Variants in CYP19A1 observed in about 807,000 individuals in gnomAD.
CYP19A1 encodes the protein aromatase.
A neutral mutation model predicts 44.4 loss-of-function variants in CYP19A1; 32 were observed. That is an observed-to-expected ratio of 0.72 (90% CI 0.54 to 0.97). CYP19A1 has a LOEUF of 0.97. CYP19A1 is among the 50% of genes least tolerant of loss of function. CYP19A1 has a pLI of 0.00. For missense variants in CYP19A1, 598 were observed against 637.8 expected (o/e 0.94, Z 0.67); for synonymous variants, 212 against 215.6 (o/e 0.98, Z 0.14).
At chr15:51,326,645 G>A (rs1012117021) in intron 1 of CYP19A1, among the ~76,000 whole-genome samples, 11 of 152,136 alleles carry the variant, frequency 7.2e-5, no homozygotes, top group Non-Finnish European at 1.5e-4. Flanking sequence ...GAATAGAATG[G>A]AGTTGTATAA....
At chr15:51,214,143 C>T (rs956870026) in intron 8 of CYP19A1, among the ~76,000 whole-genome samples, 1 of 152,182 alleles carries the variant, frequency 6.6e-6, no homozygotes, top group Admixed American at 6.5e-5. Context: ...TTTGCAGGGT[C>T]TGTGTAAAGT....
At chr15:51,332,832 C>T (rs2036722298) in intron 1 of CYP19A1, among the ~76,000 whole-genome samples, 1 of 152,144 alleles carries the variant, frequency 6.6e-6, no homozygotes, top group Non-Finnish European at 1.5e-5. Flanking sequence ...GTTGATGCCC[C>T]CATGATCCTT....
intron 1 of CYP19A1, among the ~76,000 whole-genome samples, chr15:51,253,955 A>T (rs2034420698): frequency 1.3e-5 from 2 of 152,178 alleles, no homozygotes; most frequent in South Asian, 2.1e-4. Context: ...TGCTGGAGGT[A>T]GGAGTGCATA....
intron 1 of CYP19A1, among the ~76,000 whole-genome samples, chr15:51,327,158 C>T (rs1031683177): frequency 6.6e-6 from 1 of 152,214 alleles, no homozygotes; most frequent in African/African-American, 2.4e-5. Flanking sequence ...AGTAAAGTCA[C>T]CTAGGACTTA....
intron 1 of CYP19A1, among the ~76,000 whole-genome samples, chr15:51,288,130 T>C (rs1289638337): frequency 6.6e-6 from 1 of 152,182 alleles, no homozygotes; most frequent in Non-Finnish European, 1.5e-5. Flanking sequence ...GGCCTGCTGG[T>C]GTTGGTAGCG....
chr15:51,219,731 C>T (rs2031906693), intron 5 of CYP19A1, among the ~76,000 whole-genome samples: 1 of 152,202 alleles, frequency 6.6e-6, no homozygotes. Flanking sequence ...GCATCATAGT[C>T]TGCATCCAAA....
chr15:51,260,961 A>C (rs1439596395), intron 1 of CYP19A1, among the ~76,000 whole-genome samples: 1 of 152,140 alleles, frequency 6.6e-6, no homozygotes, highest in Non-Finnish European at 1.5e-5. Flanking sequence ...CTGAGCTTTC[A>C]TTCACAGTCC....
At chr15:51,229,550 T>G (rs1483227765) in intron 3 of CYP19A1, among the ~76,000 whole-genome samples, 4 of 152,012 alleles carry the variant, frequency 2.6e-5, no homozygotes, top group Non-Finnish European at 4.4e-5. Flanking sequence ...TGTTTGCCTC[T>G]CCCTAGCAAA....
At chr15:51,306,732 A>G (rs985158188) in intron 1 of CYP19A1, among the ~76,000 whole-genome samples, 1 of 152,264 alleles carries the variant, frequency 6.6e-6, no homozygotes, top group Admixed American at 6.5e-5. Flanking sequence ...CAAGTTACAG[A>G]CATAGAAAGA....
chr15:51,220,129 C>T (rs2031942600), intron 5 of CYP19A1, among the ~76,000 whole-genome samples: 2 of 152,254 alleles, frequency 1.3e-5, no homozygotes, highest in South Asian at 2.1e-4. Flanking sequence ...ACGCATTGTT[C>T]CTCCGCCTGG....
At chr15:51,274,932 T>C (rs1595746419) in intron 1 of CYP19A1, among the ~76,000 whole-genome samples, 1 of 152,206 alleles carries the variant, frequency 6.6e-6, no homozygotes, top group African/African-American at 2.4e-5. Flanking sequence ...CTGCTTTCTC[T>C]ATTGTCATCT....
In CYP19A1 at chr15:51,334,122, A is replaced by C. The variant is rs12442967; in HGVS notation, c.-39+4373T>G. 3.6e-3 allele frequency among the ~76,000 whole-genome samples: 544 copies of C among 152,314 alleles called. 14 individuals carry two copies. The highest frequency in any genetic ancestry group is 0.029 in the Admixed American group (447 of 15,296). ...GGTTTGTTTTTAAGCCTTGGAGCCA[A>C]GTGCCAGTCTGAGCTGTTTTCCACT... On this transcript the variant is annotated intron_variant, in intron 1 of 9. Coordinates refer to ENST00000396402, the MANE Select transcript of CYP19A1 (RefSeq NM_000103.4).
chr15:51,332,500 A>G (rs892220164), intron 1 of CYP19A1, among the ~76,000 whole-genome samples: 43 of 152,258 alleles, frequency 2.8e-4, no homozygotes, highest in African/African-American at 9.9e-4. Context: ...TGAACTGTCT[A>G]TTATTATCTG....
At chr15:51,264,301 A>G (rs747416300) in intron 1 of CYP19A1, among the ~76,000 whole-genome samples, 1 of 152,204 alleles carries the variant, frequency 6.6e-6, no homozygotes, top group South Asian at 2.1e-4. Flanking sequence ...CGGTGCAGTC[A>G]TCATGGAACT....
intron 1 of CYP19A1, among the ~76,000 whole-genome samples, chr15:51,289,698 C>G (rs540620203): frequency 9.2e-5 from 14 of 152,326 alleles, no homozygotes; most frequent in African/African-American, 3.4e-4. Flanking sequence ...CCTTGTTAAT[C>G]TTCTCTACAG....
intron 1 of CYP19A1, among the ~76,000 whole-genome samples, chr15:51,301,638 T>A (rs903447865): frequency 6.7e-6 from 1 of 148,514 alleles, no homozygotes; most frequent in East Asian, 2.0e-4. Flanking sequence ...GGCCTGGGTC[T>A]TCTGCTCGTC....
intron 2 of CYP19A1, among the ~76,000 whole-genome samples, chr15:51,240,057 C>T (rs1185664352): frequency 5.8e-5 from 2 of 34,236 alleles, no homozygotes; most frequent in African/African-American, 2.5e-4. Context: ...AACCCCGCCC[C>T]CCTCCCCCGG....
intron 1 of CYP19A1, among the ~76,000 whole-genome samples, chr15:51,264,741 T>C (rs1213330805): frequency 1.3e-5 from 2 of 152,118 alleles, no homozygotes; most frequent in African/African-American, 4.8e-5. Context: ...CAGAAAGTAG[T>C]AGCAGTCCCT....
chr15:51,329,950 A>C (rs1253952704), intron 1 of CYP19A1, among the ~76,000 whole-genome samples: 1 of 152,204 alleles, frequency 6.6e-6, no homozygotes, highest in Non-Finnish European at 1.5e-5. Context: ...CGGAGCAGCT[A>C]GCCCTCCCTG....
Sources: gnomAD v4.1 joint callset for allele counts (sites outside exome capture counted in the v4.1 genomes callset) on GRCh38, gnomAD v4.1.1 for gene constraint, MANE v1.5 for transcripts, NCBI Gene and HGNC (gene_info 2026-07-23, HGNC 2026-07-21) for gene names.